Variants in ADGRD1 observed in about 807,000 individuals in gnomAD.
The protein encoded by ADGRD1 is adhesion G protein-coupled receptor D1, also known as G-protein coupled receptor 133.
In ADGRD1, 77 loss-of-function variants were observed where a neutral mutation model predicts 113.4. The ratio of observed to expected loss-of-function variants is 0.68; its 90% confidence interval spans 0.57 to 0.82. ADGRD1 has a LOEUF of 0.82. Among genes scored for constraint, ADGRD1 ranks in the 40% least tolerant of loss-of-function variants. The probability of loss-of-function intolerance (pLI) is 0.00; values close to 1 mark genes in which losing one functional copy is unlikely to be tolerated. For synonymous variants in ADGRD1, 474 were observed against 475.0 expected, an observed-to-expected ratio of 1.00 and a Z score of 0.03; for missense variants, 1,036 against 1,139.1, an observed-to-expected ratio of 0.91 and a Z score of 1.30.
chr12:131,105,703 G>A (rs767945111), intron 16 of ADGRD1, 51 bp from the exon 17 acceptor site: 10 of 1,425,354 alleles, frequency 7.0e-6, no homozygotes, highest in Non-Finnish European at 9.7e-6. Flanking sequence ...CCCAGCCTGG[G>A]GGACTGGGTC....
At chr12:130,958,465 G>T (rs1167798343) in intron 2 of ADGRD1, among the ~76,000 whole-genome samples, 2 of 152,110 alleles carry the variant, frequency 1.3e-5, no homozygotes, top group Non-Finnish European at 2.9e-5. Context: ...CTCCCAAAGT[G>T]CTGGGATTAC....
intron 4 of ADGRD1, among the ~76,000 whole-genome samples, chr12:130,974,731 G>C (rs1270455401): frequency 6.6e-6 from 1 of 152,138 alleles, no homozygotes; most frequent in Non-Finnish European, 1.5e-5. Context: ...TAATGTTTTA[G>C]GGGACAGGGT....
At chr12:131,110,458 A>T (rs1950325230) in intron 18 of ADGRD1, among the ~76,000 whole-genome samples, 1 of 152,160 alleles carries the variant, frequency 6.6e-6, no homozygotes, top group African/African-American at 2.4e-5. Context: ...TATAAGATAT[A>T]AACATTATTT....
At chr12:130,991,166 C>A in intron 7 of ADGRD1, 88 bp downstream of exon 7, 1 of 1,021,904 alleles carries the variant, frequency 9.8e-7, no homozygotes, top group Non-Finnish European at 1.5e-6. Context: ...CATTAGGTGT[C>A]TGGGCTCTCT....
intron 20 of ADGRD1, among the ~76,000 whole-genome samples, chr12:131,123,226 G>A (rs1020238221): frequency 3.3e-5 from 5 of 151,354 alleles, no homozygotes; most frequent in Non-Finnish European, 5.9e-5. Flanking sequence ...TGTATTTTTA[G>A]TAGAAACAGG....
intron 14 of ADGRD1, among the ~76,000 whole-genome samples, chr12:131,078,239 T>G (rs1464264035): frequency 6.6e-6 from 1 of 152,212 alleles, no homozygotes; most frequent in Admixed American, 6.5e-5. Flanking sequence ...TAATCTCCCT[T>G]TATCTCTGTT....
Position 131,004,319 on chromosome 12 carries a change from C to G in ADGRD1, c.1255+23C>G, listed in dbSNP as rs761382198. 4.6e-6 allele frequency: 7 copies of G among 1,509,360 alleles called. No homozygotes were observed. In the African/African-American group the frequency reaches 9.7e-5, roughly 21 times the overall value. 93.5% of individuals were successfully genotyped at this position (1,509,360 alleles called of 1,614,324 possible). On this transcript the variant is annotated intron_variant, in intron 11 of 24. Transcript: ENST00000261654. The stretch of plus-strand genomic sequence containing the variant: ...ACGGTGAGTGTGGCTGCGCTGGACT[C>G]CCTTCCGGGGCGGCTCCCTCAAGTC...
chr12:131,057,962 C>T lies in ADGRD1; in HGVS notation c.1474-18839C>T, dbSNP rs980224598. 3.9e-5 allele frequency among the ~76,000 whole-genome samples: 6 copies of T among 152,194 alleles called. No homozygotes were observed. The highest frequency in any genetic ancestry group is 1.4e-4 in the African/African-American group (6 of 41,448). On this transcript the variant is annotated intron_variant, in intron 13 of 24. Coordinates refer to ENST00000261654, the MANE Select transcript of ADGRD1 (RefSeq NM_198827.5). This position sits in a 1 kb window ranked among gnomAD's most constrained non-coding sequence, Gnocchi z 4.2. ...TTGTTCATGTTTTTCCTTGTCTATG[C>T]ACCAGGGAGAATGAGCTTCTGTTAT... is the stretch of plus-strand genomic sequence containing the variant.
chr12:130,968,040 T>C (rs144220877), intron 3 of ADGRD1: 151 of 152,356 alleles, frequency 9.9e-4, no homozygotes, highest in African/African-American at 3.5e-3. Flanking sequence ...AATGCCTTCT[T>C]GAAACAGCTC....
At chr12:131,046,768 C>T (rs1566062588) in intron 13 of ADGRD1, among the ~76,000 whole-genome samples, 1 of 141,594 alleles carries the variant, frequency 7.1e-6, no homozygotes. Flanking sequence ...GGTCAGTGCT[C>T]CCTCCCTGGT....
In ADGRD1 at chr12:130,987,114, C is replaced by G; in HGVS notation, c.510C>G (p.Val170=). ...FSPPGPYWTH[V]LFTWKSKEGL... is the part of the protein sequence containing the mutation. Reference sequence around the variant, plus strand: ...TTCCAGGCCCCTATTGGACTCATGTCCTATTTACATGGAAATCCAAGGAGG... The same window carrying G: ...TTCCAGGCCCCTATTGGACTCATGTGCTATTTACATGGAAATCCAAGGAGG... The change falls in exon 6 of 25, where the codon GTC becomes GTG. Residue 170 remains valine (V), a synonymous_variant. Coordinates refer to ENST00000261654, the MANE Select transcript of ADGRD1 (RefSeq NM_198827.5). The G allele has an allele frequency of 6.2e-7, 1 of 1,613,840 alleles. No homozygotes were observed. The highest frequency in any genetic ancestry group is 1.7e-4 in the Middle Eastern group (1 of 6,060).
intron 12 of ADGRD1, among the ~76,000 whole-genome samples, chr12:131,011,103 G>GCCCCACCCTGCCCCACCTCACCCCTT (rs1238302074): frequency 4.2e-5 from 2 of 47,102 alleles, no homozygotes; most frequent in African/African-American, 9.0e-5. Flanking sequence ...CCTCACCCCT[G>GCCCCACCCTGCCCCACCTCACCCCTT]CCCCACCCTG....
At chr12:131,105,640 C>T in intron 16 of ADGRD1, 114 bp from the exon 17 acceptor site, 1 of 722,162 alleles carries the variant, frequency 1.4e-6, no homozygotes, top group South Asian at 1.7e-5. Flanking sequence ...TGACAGCAAC[C>T]CCTCTGGCTG....
chr12:131,099,144 C>T (rs918613182), intron 15 of ADGRD1, among the ~76,000 whole-genome samples: 3 of 152,200 alleles, frequency 2.0e-5, no homozygotes, highest in African/African-American at 7.2e-5. Context: ...AGACAGTCGA[C>T]CTGTCTTCAT....
chr12:131,065,262 T>G (rs1451406822), intron 13 of ADGRD1, among the ~76,000 whole-genome samples: 1 of 152,166 alleles, frequency 6.6e-6, no homozygotes, highest in Non-Finnish European at 1.5e-5. Flanking sequence ...ACAGGGTGGC[T>G]TGGGAAGCGA....
chr12:131,112,534 C>T (rs547863314), intron 18 of ADGRD1, among the ~76,000 whole-genome samples: 3 of 152,272 alleles, frequency 2.0e-5, no homozygotes, highest in Admixed American at 6.5e-5. Context: ...GGTGTTGTCG[C>T]GGAGCCACCA....
chr12:130,971,462 T>C lies in ADGRD1; in HGVS notation c.192T>C (p.Ile64=). 6.2e-7 allele frequency: 1 copy of C among 1,613,118 alleles called. No individual in the cohort carries two copies. The highest frequency in any genetic ancestry group is 8.5e-7 in the Non-Finnish European group (1 of 1,179,416). The change falls in exon 4 of 25, where the codon ATT becomes ATC. Residue 64 remains isoleucine, a synonymous_variant. Coordinates refer to ENST00000261654, the MANE Select transcript of ADGRD1 (RefSeq NM_198827.5). The surrounding 1 kb of genome is among the most constrained non-coding windows in gnomAD (Gnocchi z 4.2). The part of the protein sequence containing the change: ...IHELQDTTGD[I]VEGKVNKGIY... ...GTTGTCATTTTTCTTCCTTAGATAT[T>C]GTGGAAGGGAAGGTCAACAAAGGCA...
chr12:131,019,200 C>T (rs1243252214), intron 13 of ADGRD1, among the ~76,000 whole-genome samples: 1 of 152,236 alleles, frequency 6.6e-6, no homozygotes, highest in Non-Finnish European at 1.5e-5. Context: ...CCTTGGTCAC[C>T]CTGACCTCTG....
At chr12:131,104,004 G>A (rs932561298) in intron 15 of ADGRD1, among the ~76,000 whole-genome samples, 2 of 152,342 alleles carry the variant, frequency 1.3e-5, no homozygotes, top group Admixed American at 6.5e-5. Flanking sequence ...CCGAGGGGGC[G>A]CCGTCTGGAT....
Sources: allele counts gnomAD v4.1 joint callset (sites outside exome capture counted in the v4.1 genomes callset), GRCh38; gene constraint gnomAD v4.1.1; non-coding constraint Gnocchi (gnomAD v3.1); transcripts MANE v1.5; gene names NCBI Gene and HGNC (gene_info 2026-07-23, HGNC 2026-07-21).